Variants in ATP5F1D observed in about 807,000 individuals in gnomAD.
ATP5F1D encodes the protein ATP synthase F(1) complex subunit delta, mitochondrial.
ATP5F1D carries 16 observed loss-of-function variants against 13.0 expected under a neutral mutation model. The observed-to-expected ratio is 1.23, with a 90% CI of 0.83 to 1.87. The LOEUF is 1.87. Ranked by LOEUF, ATP5F1D falls within the 40% of genes most tolerant of loss-of-function variation. The pLI is 0.00. For synonymous variants in ATP5F1D, 129 were observed against 116.2 expected, an observed-to-expected ratio of 1.11 and a Z score of -0.71; for missense variants, 294 against 246.2, an observed-to-expected ratio of 1.19 and a Z score of -1.30.
In ATP5F1D at chr19:1,244,482, G is replaced by A. The variant is rs184673680; in HGVS notation, c.*45G>A. 1.3e-6 allele frequency: 2 copies of A among 1,533,602 alleles called. No individual in the cohort carries two copies. Among genetic ancestry groups the A allele is most frequent in the East Asian group, 2.5e-5 (1 of 40,634 alleles). 95.0% of individuals were successfully genotyped at this position (1,533,602 alleles called of 1,614,324 possible). ...CCGAGGCCCGGCCAGGGGCTGGGCA[G>A]GGATGCCAGGTGGGCCCAGCCAGCT... On this transcript the variant is annotated 3_prime_UTR_variant, in exon 4 of 4. Coordinates refer to ENST00000215375, the MANE Select transcript of ATP5F1D (RefSeq NM_001687.5).
chr19:1,242,213 C>T, intron 1 of ATP5F1D: 2 of 771,112 alleles, frequency 2.6e-6, no homozygotes, highest in African/African-American at 1.8e-5. Context: ...GTGCCCTCCC[C>T]GATCTCCCTG....
At position 1,241,962 on chromosome 19, in the gene ATP5F1D, A is replaced by T. The variant is rs199675494; in HGVS notation, c.112A>T (p.Met38Leu). ...APAAASGPNQMSFTFASPTQV... is the reference protein window; with the variant it reads ...APAAASGPNQLSFTFASPTQV... The stretch of plus-strand genomic sequence containing the variant: ...GGCTGCCGCCTCTGGCCCCAACCAG[A>T]TGTCCTTCACCTTCGCCTCTCCCAC... Residue 38 changes from methionine (M) to leucine (L), a missense_variant, in exon 1 of 4, where the codon ATG (methionine) becomes TTG (leucine). By Grantham distance (15) the Met-to-Leu change is conservative. Coordinates refer to ENST00000215375, the MANE Select transcript of ATP5F1D (RefSeq NM_001687.5). 1.6e-5 allele frequency: 24 copies of T among 1,486,954 alleles called. No homozygotes were observed. Among genetic ancestry groups the T allele is most frequent in the Non-Finnish European group, 2.1e-5 (24 of 1,119,466 alleles). 92.1% of individuals were successfully genotyped at this position (1,486,954 alleles called of 1,614,324 possible).
At chr19:1,242,339 G>A in intron 1 of ATP5F1D, 117 bp from the exon 2 acceptor site, 1 of 1,253,360 alleles carries the variant, frequency 8.0e-7, no homozygotes, top group Non-Finnish European at 1.0e-6. Flanking sequence ...GGTTGTCTCA[G>A]TGCCTCACAT....
At position 1,241,987 on chromosome 19, in the gene ATP5F1D, C is replaced by G; in HGVS notation, c.137C>G (p.Thr46Arg). 1 of 1,456,672 alleles carries G rather than the reference C, an allele frequency of 6.9e-7. No individual in the cohort carries two copies. Among genetic ancestry groups the G allele is most frequent in the Non-Finnish European group, 9.1e-7 (1 of 1,104,170 alleles). 90.2% of individuals were successfully genotyped at this position (1,456,672 alleles called of 1,614,324 possible). ...NQMSFTFASP[T>R]QVFFNGANVR... Reference sequence around the variant, plus strand: ...ATGTCCTTCACCTTCGCCTCTCCCACGCAGGTTCGGGCGCTGCGGGTCGGG... The same window carrying G: ...ATGTCCTTCACCTTCGCCTCTCCCAGGCAGGTTCGGGCGCTGCGGGTCGGG... The change falls in exon 1 of 4, where the codon ACG becomes AGG. Residue 46 changes from threonine (T) to arginine (R), a missense_variant. Transcript: ENST00000215375.
chr19:1,244,525 C>G lies in ATP5F1D; in HGVS notation c.*88C>G. 4.7e-6 allele frequency: 7 copies of G among 1,491,788 alleles called. No homozygotes were observed. The highest frequency in any genetic ancestry group is 6.3e-6 in the Non-Finnish European group (7 of 1,116,358). 92.4% of individuals were successfully genotyped at this position (1,491,788 alleles called of 1,614,324 possible). A position where few individuals can be genotyped will look rare whatever the true frequency, so the allele number is the denominator to read the frequency against. On this transcript the variant is annotated 3_prime_UTR_variant, in exon 4 of 4. Transcript: ENST00000215375. The stretch of plus-strand genomic sequence containing the variant: ...AGCCAGCTCCTGGGGTCCCGGCCAC[C>G]TGGGGAAGCCGCGCCTGCCAAGGAG...
chr19:1,241,830 T>C lies in ATP5F1D; in HGVS notation c.-21T>C, dbSNP rs1487170431. The C allele has an allele frequency of 3.0e-6, 4 of 1,320,534 alleles. No homozygotes were observed. Among genetic ancestry groups the C allele is most frequent in the Non-Finnish European group, 3.8e-6 (4 of 1,040,152 alleles). 81.8% of individuals were successfully genotyped at this position (1,320,534 alleles called of 1,614,324 possible). On this transcript the variant is annotated 5_prime_UTR_variant, in exon 1 of 4. Coordinates refer to ENST00000215375, the MANE Select transcript of ATP5F1D (RefSeq NM_001687.5). The stretch of plus-strand genomic sequence containing the variant: ...AGTCCGCTGTCCGCCAGCTACCCGC[T>C]TCCTGCCGCCCGCCGCTGCCATGCT...
At chr19:1,242,300 C>G in intron 1 of ATP5F1D, 156 bp from the exon 2 acceptor site, 1 of 977,892 alleles carries the variant, frequency 1.0e-6, no homozygotes. Flanking sequence ...TGTTGAGGAC[C>G]AAAGCTGCAA....
Position 1,241,995 on chromosome 19 carries a change from C to A in ATP5F1D, c.141+4C>A, listed in dbSNP as rs751825582. The A allele has an allele frequency of 1.4e-6, 2 of 1,436,474 alleles. No individual in the cohort carries two copies. The highest frequency in any genetic ancestry group is 2.8e-5 in the East Asian group (1 of 36,280). The allele number at this position is 1,436,474 out of a possible 1,614,324, so 89.0% of individuals were successfully genotyped here. ...CACCTTCGCCTCTCCCACGCAGGTT[C>A]GGGCGCTGCGGGTCGGGACCCTCCG... On this transcript the variant is annotated splice_donor_region_variant and intron_variant, in intron 1 of 3. Transcript: ENST00000215375.
chr19:1,242,838 G>C (rs2081044542), intron 2 of ATP5F1D: 1 of 411,714 alleles, frequency 2.4e-6, no homozygotes, highest in African/African-American at 2.1e-5. Context: ...TAAAAATACA[G>C]AAAACTGGCC....
intron 2 of ATP5F1D, chr19:1,243,371 C>T (rs2081047228): frequency 6.6e-6 from 1 of 151,588 alleles, no homozygotes; most frequent in Non-Finnish European, 1.5e-5. Context: ...TAAAAAGAAA[C>T]TGACCAGGCG....
At position 1,242,874 on chromosome 19, in the gene ATP5F1D, C is replaced by G. The variant is rs568742044; in HGVS notation, c.295+265C>G. 2.5e-3 allele frequency: 677 copies of G among 269,844 alleles called. 1 individual carries two copies. Among genetic ancestry groups the G allele is most frequent in the South Asian group, 6.5e-3 (59 of 9,138 alleles). 16.7% of individuals were successfully genotyped at this position (269,844 alleles called of 1,614,324 possible). On this transcript the variant is annotated intron_variant, in intron 2 of 3. Transcript: ENST00000215375. ...GGGTGCGGTGGCTCCCGCCTGTAAT[C>G]CCAGCACTTTGGGAGGCCGAGGCGG...
At chr19:1,242,014 C>G (rs756590883) in intron 1 of ATP5F1D, 23 bp downstream of exon 1, 6 of 1,382,976 alleles carry the variant, frequency 4.3e-6, no homozygotes, top group Admixed American at 2.9e-5. Flanking sequence ...CGGGTCGGGA[C>G]CCTCCGTGGC....
intron 3 of ATP5F1D, 58 bp from the exon 4 acceptor site, chr19:1,244,257 G>C: frequency 6.3e-7 from 1 of 1,580,746 alleles, no homozygotes; most frequent in Non-Finnish European, 8.6e-7. Flanking sequence ...AGCGCTGGGG[G>C]ACCAGGAGCC....
Position 1,244,346 on chromosome 19 carries a change from C to T in ATP5F1D, c.416C>T (p.Ala139Val), listed in dbSNP as rs781350269. Residue 139 changes from alanine (A) to valine (V), a missense_variant, in exon 4 of 4, where the codon GCG (alanine) becomes GTG (valine). By Grantham distance (64) the Ala-to-Val change is moderately conservative. Transcript: ENST00000215375. ...AAKANLEKAQAELVGTADEAT... is the reference protein window; with the variant it reads ...AAKANLEKAQVELVGTADEAT... ...AAGGCAAACTTGGAGAAGGCCCAGG[C>T]GGAGCTGGTGGGGACAGCTGACGAG... is the stretch of plus-strand genomic sequence containing the variant. The T allele has an allele frequency of 6.3e-6, 10 of 1,591,290 alleles. No homozygotes were observed. Among genetic ancestry groups the T allele is most frequent in the South Asian group, 2.3e-5 (2 of 87,770 alleles).
rs529505758 is a variant in ATP5F1D, at chr19:1,243,925, C to T, written c.296-172C>T. 2.4e-5 allele frequency: 16 copies of T among 653,532 alleles called. 1 individual carries two copies. The highest frequency in any genetic ancestry group is 1.8e-4 in the Admixed American group (6 of 33,640). The allele number at this position is 653,532 out of a possible 1,614,324, so 40.5% of individuals were successfully genotyped here. A position where few individuals can be genotyped will look rare whatever the true frequency, so the allele number is the denominator to read the frequency against. ...GTTTTGTTCTTCTCTAGCAGTTGCC[C>T]GCCATGTTGGGCCCAGGGCCAGTCC... On this transcript the variant is annotated intron_variant, in intron 2 of 3. Transcript: ENST00000215375.
Position 1,241,803 on chromosome 19 carries a change from G to A in ATP5F1D, c.-48G>A, listed in dbSNP as rs1568762473. On this transcript the variant is annotated 5_prime_UTR_variant, in exon 1 of 4. Coordinates refer to ENST00000215375, the MANE Select transcript of ATP5F1D (RefSeq NM_001687.5). ...CCCTCCAGGCCGCCCGCGCCGCGCC[G>A]GAGTCCGCTGTCCGCCAGCTACCCG... The A allele has an allele frequency of 2.3e-6, 3 of 1,287,328 alleles. No individual in the cohort carries two copies. The highest frequency in any genetic ancestry group is 2.3e-5 in the South Asian group (1 of 42,862). The allele number at this position is 1,287,328 out of a possible 1,614,324, so 79.7% of individuals were successfully genotyped here. A position where few individuals can be genotyped will look rare whatever the true frequency, so the allele number is the denominator to read the frequency against.
chr19:1,241,766 T>C lies in ATP5F1D; in HGVS notation c.-85T>C, dbSNP rs2081037783. ...TCCTCCTCCCAGACGTCCCTGCGCG[T>C]CGTCCTCCTCGCCCTCCAGGCCGCC... On this transcript the variant is annotated 5_prime_UTR_variant, in exon 1 of 4. Coordinates refer to ENST00000215375, the MANE Select transcript of ATP5F1D (RefSeq NM_001687.5). The C allele has an allele frequency of 8.1e-7, 1 of 1,240,678 alleles. No homozygotes were observed. The highest frequency in any genetic ancestry group is 1.0e-6 in the Non-Finnish European group (1 of 990,008). 76.9% of individuals were successfully genotyped at this position (1,240,678 alleles called of 1,614,324 possible).
chr19:1,242,136 T>G, intron 1 of ATP5F1D, 145 bp downstream of exon 1: 1 of 1,071,488 alleles, frequency 9.3e-7, no homozygotes, highest in Non-Finnish European at 1.2e-6. Flanking sequence ...CCCTCGGCCC[T>G]GCCTCTGCTG....
chr19:1,243,729 AAAAG>A (rs1484270651), intron 2 of ATP5F1D, among the ~76,000 whole-genome samples: 2 of 152,186 alleles, frequency 1.3e-5, no homozygotes, highest in Non-Finnish European at 2.9e-5. Flanking sequence ...GTGCAGGAAA[AAAAG>A]CAGTTCTAAG....
Sources: allele counts gnomAD v4.1 joint callset (sites outside exome capture counted in the v4.1 genomes callset), GRCh38; gene constraint gnomAD v4.1.1; transcripts MANE v1.5; gene names NCBI Gene and HGNC (gene_info 2026-07-23, HGNC 2026-07-21).